The following PKN2 variants were observed in gnomAD, a reference collection of about 807,000 sequenced individuals.
PKN2 encodes the protein protein kinase N2.
Under a neutral mutation model 119.1 loss-of-function variants are expected in PKN2, and 38 were observed. That is an observed-to-expected ratio of 0.32 (90% CI 0.25 to 0.42). The LOEUF is 0.42. PKN2 is among the 10% of genes least tolerant of loss of function. The pLI is 1.00. For synonymous variants in PKN2, 390 were observed against 384.9 expected, an observed-to-expected ratio of 1.01 and a Z score of -0.15; for missense variants, 850 against 1,165.1, an observed-to-expected ratio of 0.73 and a Z score of 3.94.
At chr1:88,818,989 G>GCCAGTTATAT (rs1289033336) in intron 16 of PKN2, among the ~76,000 whole-genome samples, 8 of 133,222 alleles carry the variant, frequency 6.0e-5, no homozygotes, top group African/African-American at 2.8e-4. Context: ...GCGGGGAACT[G>GCCAGTTATAT]AAACTGAACC....
At chr1:88,788,520 A>G (rs1296391566) in intron 8 of PKN2, among the ~76,000 whole-genome samples, 1 of 151,706 alleles carries the variant, frequency 6.6e-6, no homozygotes, top group Non-Finnish European at 1.5e-5. Context: ...ATCTCGGCTC[A>G]TCGCAACCTC....
chr1:88,801,788 A>G (rs1671321119), intron 8 of PKN2, among the ~76,000 whole-genome samples: 1 of 152,236 alleles, frequency 6.6e-6, no homozygotes, highest in Non-Finnish European at 1.5e-5. Context: ...AAATGGAACA[A>G]TCGCGAGAGC....
intron 1 of PKN2, among the ~76,000 whole-genome samples, chr1:88,686,868 C>G (rs966002915): frequency 5.9e-5 from 9 of 152,028 alleles, no homozygotes; most frequent in Non-Finnish European, 1.3e-4. Flanking sequence ...TGAATTTAGA[C>G]TGAAATACTG....
intron 1 of PKN2, among the ~76,000 whole-genome samples, chr1:88,740,009 G>GA (rs138104088): frequency 2.7e-4 from 40 of 146,418 alleles, no homozygotes; most frequent in South Asian, 6.5e-4. Flanking sequence ...AGTATTAGGG[G>GA]AAAAAAAAAA....
chr1:88,709,273 T>C (rs1194780030), intron 1 of PKN2, among the ~76,000 whole-genome samples: 1 of 152,118 alleles, frequency 6.6e-6, no homozygotes, highest in Non-Finnish European at 1.5e-5. Context: ...CAGGCTGGTT[T>C]CAAATTCCTG....
intron 16 of PKN2, among the ~76,000 whole-genome samples, chr1:88,818,571 C>A (rs562014410): frequency 1.5e-4 from 22 of 151,266 alleles, no homozygotes; most frequent in Non-Finnish European, 2.8e-4. Flanking sequence ...TTGCTTGAAC[C>A]TGGGAGGTGG....
rs1261663618 is a variant in PKN2, at chr1:88,684,537, C to T, written c.-44C>T. On this transcript the variant is annotated 5_prime_UTR_variant, in exon 1 of 22. Coordinates refer to ENST00000370521, the MANE Select transcript of PKN2 (RefSeq NM_006256.4). ...AGCCCCGTCCCGCCTTCTCCCTTCG[C>T]CAGAGGCGGCCGCGTCCAGGTGCGG... The T allele has an allele frequency of 1.3e-6, 2 of 1,531,814 alleles. No individual in the cohort carries two copies. Among genetic ancestry groups the T allele is most frequent in the Non-Finnish European group, 8.8e-7 (1 of 1,137,660 alleles). The allele number at this position is 1,531,814 out of a possible 1,614,324, so 94.9% of individuals were successfully genotyped here. A position where few individuals can be genotyped will look rare whatever the true frequency, so the allele number is the denominator to read the frequency against.
rs552533160 is a variant in PKN2, at chr1:88,715,396, C to G, written c.49-25592C>G. Reference sequence around the variant, plus strand: ...AATTTGGCTGTGAATCCATCTGGTCCTGGACTTTTTTTGGTTGGTAGACTA... The same window carrying G: ...AATTTGGCTGTGAATCCATCTGGTCGTGGACTTTTTTTGGTTGGTAGACTA... On this transcript the variant is annotated intron_variant, in intron 1 of 21. Coordinates refer to ENST00000370521, the MANE Select transcript of PKN2 (RefSeq NM_006256.4). Among the ~76,000 whole-genome samples the G allele has an allele frequency of 2.0e-5, 3 of 152,230 alleles. No homozygotes were observed. In the East Asian group the frequency reaches 5.8e-4, roughly 29 times the overall value.
At chr1:88,756,917 A>G (rs1004427832) in intron 2 of PKN2, among the ~76,000 whole-genome samples, 3 of 152,136 alleles carry the variant, frequency 2.0e-5, no homozygotes, top group African/African-American at 2.4e-5. Flanking sequence ...TATTTAACAC[A>G]TGAAGAAAAT....
rs148161871 is a variant in PKN2, at chr1:88,827,671, CCT to C, written c.2420-797_2420-796del. Among the ~76,000 whole-genome samples, 41 of 124,596 alleles carry C rather than the reference CCT, an allele frequency of 3.3e-4. No homozygotes were observed. The South Asian group carries it at 0.011, about 32-fold the overall frequency. 81.7% of individuals were successfully genotyped at this position (124,596 alleles called of 152,430 possible). On this transcript the variant is annotated intron_variant, in intron 18 of 21. Transcript: ENST00000370521. ...CTTCTCCCCTCCCCTCCCGTCCCCTCCTCTCTCTCTCTCTATATATAATATAT... is the reference window on the plus strand; with the variant it reads ...CTTCTCCCCTCCCCTCCCGTCCCCTCCTCTCTCTCTCTATATATAATATAT...
chr1:88,778,974 T>C (rs1459131716), intron 6 of PKN2, among the ~76,000 whole-genome samples: 2 of 152,194 alleles, frequency 1.3e-5, no homozygotes. Flanking sequence ...CCGCCCGCCT[T>C]GGTCTCCCAG....
Position 88,807,706 on chromosome 1 carries a change from A to T in PKN2, c.2033A>T (p.Asn678Ile). The part of the protein sequence containing the change: ...FGKVLLAEYK[N>I]TNEMFAIKAL... ...CAGGTGCTTTTAGCTGAATATAAAA[A>T]CACAAATGAGATGTTTGCTATAAAA... Residue 678 changes from asparagine to isoleucine, a missense_variant, in exon 15 of 22, where the codon AAC becomes ATC. This residue lies in a region of PKN2 where 216 missense variants were observed against 252.8 expected (regional missense o/e 0.85). Transcript: ENST00000370521. 3.1e-6 allele frequency: 5 copies of T among 1,600,666 alleles called. No individual in the cohort carries two copies. Among genetic ancestry groups the T allele is most frequent in the Non-Finnish European group, 4.3e-6 (5 of 1,171,566 alleles).
chr1:88,762,470 C>T (rs1669485929), intron 3 of PKN2, among the ~76,000 whole-genome samples: 1 of 152,034 alleles, frequency 6.6e-6, no homozygotes, highest in African/African-American at 2.4e-5. Flanking sequence ...CTCAGAGGGT[C>T]AGAGTACATC....
intron 6 of PKN2, among the ~76,000 whole-genome samples, chr1:88,778,777 G>C (rs922692805): frequency 6.6e-6 from 1 of 151,684 alleles, no homozygotes. Flanking sequence ...GCAGTGGCGT[G>C]ATCTCCGCTC....
intron 21 of PKN2, 35 bp from the exon 22 acceptor site, chr1:88,833,210 A>G: frequency 2.5e-6 from 4 of 1,578,752 alleles, no homozygotes; most frequent in Non-Finnish European, 3.4e-6. Flanking sequence ...TAGATTTAAC[A>G]AACTAAACTA....
At chr1:88,714,276 G>T (rs199524281) in intron 1 of PKN2, among the ~76,000 whole-genome samples, 1 of 152,200 alleles carries the variant, frequency 6.6e-6, no homozygotes, top group South Asian at 2.1e-4. Context: ...CTCTTTTTTG[G>T]TTCCGTATGA....
At chr1:88,740,356 A>T (rs936950045) in intron 1 of PKN2, among the ~76,000 whole-genome samples, 1 of 152,190 alleles carries the variant, frequency 6.6e-6, no homozygotes, top group Admixed American at 6.5e-5. Flanking sequence ...ACAGAAGATA[A>T]AATGATTCAC....
At position 88,820,912 on chromosome 1, in the gene PKN2, A is replaced by G. The variant is rs141180419; in HGVS notation, c.2280-1029A>G. Among the ~76,000 whole-genome samples the G allele has an allele frequency of 3.0e-3, 451 of 152,350 alleles. 4 individuals are homozygous for G. Among genetic ancestry groups the G allele is most frequent in the African/African-American group, 0.01 (429 of 41,590 alleles). On this transcript the variant is annotated intron_variant, in intron 16 of 21. Transcript: ENST00000370521. Reference sequence around the variant, plus strand: ...GTTCAATAAGCCTATCATGTATATTAGGCATTATGCTAATGCATTTAGGAT... The same window carrying G: ...GTTCAATAAGCCTATCATGTATATTGGGCATTATGCTAATGCATTTAGGAT...
rs765376261 is a variant in PKN2 at position 88,824,970 on chromosome 1, C to A, written c.2419+584C>A. Among the ~76,000 whole-genome samples the A allele has an allele frequency of 4.9e-4, 75 of 152,180 alleles. 1 individual carries two copies. Among genetic ancestry groups the A allele is most frequent in the Non-Finnish European group, 1.2e-4 (8 of 68,014 alleles). On this transcript the variant is annotated intron_variant, in intron 18 of 21. Transcript: ENST00000370521. Reference sequence around the variant, plus strand: ...TTTTAACCTCTTTGAGTCTTATTTCCCCAATTATAAAAAAATGGACATAGT... The same window carrying A: ...TTTTAACCTCTTTGAGTCTTATTTCACCAATTATAAAAAAATGGACATAGT...
Sources: gnomAD v4.1 joint callset for allele counts (sites outside exome capture counted in the v4.1 genomes callset) on GRCh38, gnomAD v4.1.1 for gene constraint, gnomAD v4.1.1 regional missense constraint, MANE v1.5 for transcripts, NCBI Gene and HGNC (gene_info 2026-07-23, HGNC 2026-07-21) for gene names.